Variants in RELL1 observed in about 807,000 individuals in gnomAD.
RELL1 encodes the protein RELT like 1, also known as RELT-like protein 1.
A neutral mutation model predicts 23.0 loss-of-function variants in RELL1; 10 were observed. The ratio of observed to expected loss-of-function variants is 0.43; its 90% confidence interval spans 0.27 to 0.74. The LOEUF is 0.74. Ranked by LOEUF, RELL1 falls within the 30% of genes least tolerant of loss-of-function variation. The pLI, the probability that RELL1 is intolerant of heterozygous loss-of-function variation, is 0.19. For missense variants in RELL1, 315 were observed against 364.4 expected (o/e 0.86, Z 1.10); for synonymous variants, 146 against 146.8 (o/e 0.99, Z 0.04).
intron 1 of RELL1, among the ~76,000 whole-genome samples, chr4:37,660,899 C>T (rs6531563): frequency 0.67 from 101,330 of 151,816 alleles, 34,380 homozygotes; most frequent in South Asian, 0.71. Flanking sequence ...GGCATGGTGG[C>T]GGGCGCCTGT....
At chr4:37,635,919 G>A (rs973357635) in intron 4 of RELL1, among the ~76,000 whole-genome samples, 10 of 152,200 alleles carry the variant, frequency 6.6e-5, no homozygotes, top group Non-Finnish European at 5.9e-5. Context: ...TATATCAAAG[G>A]AGGAAAGCCT....
At chr4:37,594,192 T>TA (rs1472990397) in intron 6 of RELL1, among the ~76,000 whole-genome samples, 1 of 152,192 alleles carries the variant, frequency 6.6e-6, no homozygotes, top group East Asian at 1.9e-4. Context: ...GAAATGAAAG[T>TA]AAAAAATCTT....
At chr4:37,678,440 C>A (rs1722092067) in intron 1 of RELL1, among the ~76,000 whole-genome samples, 1 of 152,206 alleles carries the variant, frequency 6.6e-6, no homozygotes, top group African/African-American at 2.4e-5. Context: ...GGCTCTGCCC[C>A]ACAAATCCCC....
rs139169827 is a variant in RELL1 at position 37,675,886 on chromosome 4, T to C, written c.88+10314A>G. Among the ~76,000 whole-genome samples, 692 of 152,346 alleles carry C rather than the reference T, an allele frequency of 4.5e-3. 4 individuals are homozygous for C. The highest frequency in any genetic ancestry group is 0.016 in the African/African-American group (666 of 41,582). On this transcript the variant is annotated intron_variant, in intron 1 of 6. Transcript: ENST00000454158. Reference sequence around the variant, plus strand: ...AATCTCCAGACCCATCCCAGTCCTATGGACTCAGCACTCTCAGGTGGGGCT... The same window carrying C: ...AATCTCCAGACCCATCCCAGTCCTACGGACTCAGCACTCTCAGGTGGGGCT...
chr4:37,643,592 G>A (rs996066473), intron 3 of RELL1, among the ~76,000 whole-genome samples: 2 of 152,128 alleles, frequency 1.3e-5, no homozygotes, highest in Non-Finnish European at 2.9e-5. Flanking sequence ...CATGGTACAC[G>A]TATCACTTTT....
chr4:37,686,093 G>T, intron 1 of RELL1, 107 bp downstream of exon 1: 1 of 963,878 alleles, frequency 1.0e-6, no homozygotes, highest in Non-Finnish European at 1.5e-6. Context: ...CCGCGGCTGT[G>T]CCAGAAAGCA....
At chr4:37,675,714 A>T (rs1158616435) in intron 1 of RELL1, among the ~76,000 whole-genome samples, 1 of 152,198 alleles carries the variant, frequency 6.6e-6, no homozygotes, top group Non-Finnish European at 1.5e-5. Flanking sequence ...GCTATCCTTG[A>T]TCTCAGCTTG....
intron 4 of RELL1, 146 bp downstream of exon 4, chr4:37,638,301 G>A (rs375680856): frequency 4.2e-5 from 28 of 672,622 alleles, no homozygotes; most frequent in Admixed American, 1.4e-4. Context: ...GGACAGTTCC[G>A]CACAGCAAAG....
rs10523379 is a variant in RELL1 at position 37,644,438 on chromosome 4, T to TTTTATTTATTTATTTATTTA, written c.385+2910_385+2929dup. 1.0e-3 allele frequency among the ~76,000 whole-genome samples: 139 copies of TTTTATTTATTTATTTATTTA among 137,882 alleles called. 1 individual carries two copies. Among genetic ancestry groups the TTTTATTTATTTATTTATTTA allele is most frequent in the Non-Finnish European group, 1.8e-3 (118 of 64,782 alleles). The allele number at this position is 137,882 out of a possible 152,430, so 90.5% of individuals were successfully genotyped here. ...CGTCATCTGGTACTTTTATTTTTAT[T>TTTTATTTATTTATTTATTTA]TTTATTTATTTATTTATTTATTTAT... On this transcript the variant is annotated intron_variant, in intron 3 of 6. Transcript: ENST00000454158.
intron 6 of RELL1, among the ~76,000 whole-genome samples, chr4:37,596,279 G>T (rs1049526801): frequency 6.6e-6 from 1 of 152,148 alleles, no homozygotes; most frequent in African/African-American, 2.4e-5. Flanking sequence ...TCAAACTTCA[G>T]TGTGCCCCTG....
chr4:37,623,010 G>T, intron 6 of RELL1: 1 of 357,184 alleles, frequency 2.8e-6, no homozygotes. Flanking sequence ...TCACCGTGTT[G>T]TCCAGGCTGG....
At chr4:37,642,073 A>G (rs11737302) in intron 3 of RELL1, among the ~76,000 whole-genome samples, 22,122 of 152,084 alleles carry the variant, frequency 0.15, 1,828 homozygotes, top group East Asian at 0.25. Context: ...CCTACCCTTC[A>G]ATGTCCAAGT....
At chr4:37,649,587 C>T in intron 1 of RELL1, 87 bp from the exon 2 acceptor site, 1 of 1,239,988 alleles carries the variant, frequency 8.1e-7, no homozygotes, top group Non-Finnish European at 1.1e-6. Flanking sequence ...CACAGTAAGT[C>T]AGGGTCTGCT....
downstream of RELL1, chr4:37,588,795 TACTAATATATC>T (rs1718442564): frequency 1.7e-5 from 22 of 1,305,754 alleles, no homozygotes; most frequent in South Asian, 2.3e-4. Context: ...ACTTAATTCC[TACTAATATATC>T]ACTCACTGTG....
At chr4:37,671,113 C>T (rs547539631) in intron 1 of RELL1, among the ~76,000 whole-genome samples, 1 of 152,326 alleles carries the variant, frequency 6.6e-6, no homozygotes, top group South Asian at 2.1e-4. Context: ...AGGTTAAATA[C>T]TCAATCCCAC....
At chr4:37,656,085 C>T (rs1032791717) in intron 1 of RELL1, among the ~76,000 whole-genome samples, 3 of 152,098 alleles carry the variant, frequency 2.0e-5, no homozygotes, top group African/African-American at 7.2e-5. Flanking sequence ...GTTACAACAG[C>T]CAAGATGTGG....
chr4:37,604,804 CACACAGACACACACACAGACACACACAT>C (rs1560323616), intron 6 of RELL1, among the ~76,000 whole-genome samples: 1,049 of 71,496 alleles, frequency 0.015, 81 homozygotes, highest in Non-Finnish European at 0.018. Context: ...CACAGACACA[CACACAGACACACACACAGACACACACAT>C]ACACACAGAC....
At chr4:37,590,843 C>G (rs778550533) in exon 7 of RELL1, 4 of 1,614,060 alleles carry the variant, frequency 2.5e-6, no homozygotes, top group Non-Finnish European at 3.4e-6. Context: ...CCTGTTCATG[C>G]CATGCCTGTG....
downstream of RELL1, among the ~76,000 whole-genome samples, chr4:37,606,398 T>C (rs936106089): frequency 6.6e-6 from 1 of 152,040 alleles, no homozygotes; most frequent in Non-Finnish European, 1.5e-5. The surrounding 1 kb of genome is among the most constrained non-coding windows in gnomAD (Gnocchi z 4.1). Flanking sequence ...TTGAATGATA[T>C]CCCCCACAAG....
Sources: allele counts gnomAD v4.1 joint callset (sites outside exome capture counted in the v4.1 genomes callset), GRCh38; gene constraint gnomAD v4.1.1; non-coding constraint Gnocchi (gnomAD v3.1); transcripts MANE v1.5; gene names NCBI Gene and HGNC (gene_info 2026-07-23, HGNC 2026-07-21).